The following VAMP7 variants were observed in gnomAD, a reference collection of about 807,000 sequenced individuals.
VAMP7 encodes vesicle-associated membrane protein 7.
Under a neutral mutation model 29.6 loss-of-function variants are expected in VAMP7, and 14 were observed. That is an observed-to-expected ratio of 0.47 (90% CI 0.31 to 0.74). The LOEUF is 0.74. VAMP7 is among the 30% of genes least tolerant of loss of function. The probability of loss-of-function intolerance (pLI) is 0.05; values close to 1 mark genes in which losing one functional copy is unlikely to be tolerated. For synonymous variants in VAMP7, 95 were observed against 88.1 expected, an observed-to-expected ratio of 1.08 and a Z score of -0.44; for missense variants, 223 against 262.4, an observed-to-expected ratio of 0.85 and a Z score of 1.04.
At chrX:155,909,065 G>A (rs1456016497) in intron 5 of VAMP7, among the ~76,000 whole-genome samples, 2 of 152,118 alleles carry the variant, frequency 1.3e-5, no homozygotes, top group African/African-American at 2.4e-5. Flanking sequence ...GGGCTCAAGC[G>A]ATCCACTTGC....
chrX:155,900,197 C>T (rs980621190), intron 4 of VAMP7, among the ~76,000 whole-genome samples: 1 of 151,704 alleles, frequency 6.6e-6, no homozygotes, highest in African/African-American at 2.4e-5. Flanking sequence ...ATTATATATC[C>T]CCCCCAATCT....
At chrX:155,887,435 G>A (rs1348256168) in intron 1 of VAMP7, among the ~76,000 whole-genome samples, 2 of 151,970 alleles carry the variant, frequency 1.3e-5, no homozygotes, top group East Asian at 1.9e-4. Flanking sequence ...AAGGAGGGTC[G>A]GTCAGCAGTG....
At chrX:155,892,909 C>T (rs1223389100) in intron 2 of VAMP7, among the ~76,000 whole-genome samples, 6 of 151,854 alleles carry the variant, frequency 4.0e-5, no homozygotes, top group African/African-American at 7.3e-5. Flanking sequence ...TGTGCCACCA[C>T]GCCTGGCTAA....
intron 2 of VAMP7, among the ~76,000 whole-genome samples, chrX:155,894,735 C>T (rs2065965878): frequency 6.6e-6 from 1 of 152,048 alleles, no homozygotes; most frequent in Non-Finnish European, 1.5e-5. Flanking sequence ...CCTGCCTCAG[C>T]CTCCCAAGTA....
At chrX:155,912,250 AAGT>A (rs1488219123) in intron 5 of VAMP7, among the ~76,000 whole-genome samples, 1 of 152,124 alleles carries the variant, frequency 6.6e-6, no homozygotes, top group African/African-American at 2.4e-5. Context: ...GAATATATAA[AAGT>A]AGAATATCCT....
At chrX:155,899,874 T>C (rs976566810) in intron 4 of VAMP7, among the ~76,000 whole-genome samples, 46 of 152,100 alleles carry the variant, frequency 3.0e-4, no homozygotes, top group Non-Finnish European at 4.9e-4. Context: ...GTGGATTAAA[T>C]AATATCCCGT....
chrX:155,898,014 G>A, intron 3 of VAMP7, 98 bp from the exon 4 acceptor site: 1 of 1,435,346 alleles, frequency 7.0e-7, no homozygotes, highest in South Asian at 1.4e-5. Flanking sequence ...GATAATCATT[G>A]CTCAGTAAAT....
At chrX:155,884,807 C>A in intron 1 of VAMP7, among the ~76,000 whole-genome samples, 1 of 152,326 alleles carries the variant, frequency 6.6e-6, no homozygotes, top group Non-Finnish European at 1.5e-5. Flanking sequence ...CTTGGCCTTT[C>A]CCCTTACTCA....
intron 1 of VAMP7, among the ~76,000 whole-genome samples, chrX:155,887,434 C>T (rs1304530627): frequency 7.2e-5 from 11 of 151,984 alleles, no homozygotes; most frequent in African/African-American, 2.4e-4. Flanking sequence ...GAAGGAGGGT[C>T]GGTCAGCAGT....
chrX:155,932,120 A>G (rs1443216441), intron 6 of VAMP7, among the ~76,000 whole-genome samples: 4 of 152,236 alleles, frequency 2.6e-5, no homozygotes, highest in Non-Finnish European at 2.9e-5. Context: ...GCCTTGCAGT[A>G]TAGTTTGAAG....
chrX:155,920,345 T>C (rs985928688), intron 6 of VAMP7, among the ~76,000 whole-genome samples: 5 of 152,190 alleles, frequency 3.3e-5, no homozygotes, highest in Admixed American at 6.5e-5. Flanking sequence ...CAATAAGCCT[T>C]AAAGGAGACA....
intron 5 of VAMP7, among the ~76,000 whole-genome samples, chrX:155,902,490 A>G (rs1217516047): frequency 6.7e-6 from 1 of 148,696 alleles, no homozygotes; most frequent in Non-Finnish European, 1.5e-5. Context: ...ATTCAGTATG[A>G]TATTGGCTGT....
chrX:155,914,701 A>G (rs1157112698), intron 5 of VAMP7, among the ~76,000 whole-genome samples: 3 of 152,142 alleles, frequency 2.0e-5, no homozygotes, highest in Non-Finnish European at 2.9e-5. Context: ...CTTGCATCCC[A>G]GTGATGAAGC....
At chrX:155,903,740 A>T (rs1480897403) in intron 5 of VAMP7, among the ~76,000 whole-genome samples, 5 of 152,142 alleles carry the variant, frequency 3.3e-5, no homozygotes, top group Admixed American at 2.6e-4. Context: ...AAATAGGAAC[A>T]CTTTTACACA....
chrX:155,932,526 T>G (rs972787041), intron 6 of VAMP7, among the ~76,000 whole-genome samples: 8 of 152,188 alleles, frequency 5.3e-5, no homozygotes, highest in African/African-American at 1.9e-4. Context: ...TATTGGTGTA[T>G]AAGAATGCTT....
intron 3 of VAMP7, among the ~76,000 whole-genome samples, chrX:155,896,592 G>A (rs2065990315): frequency 6.6e-6 from 1 of 152,114 alleles, no homozygotes; most frequent in South Asian, 2.1e-4. Flanking sequence ...TTATGGTTTC[G>A]TAGAGCTACA....
chrX:155,942,336 C>A lies in VAMP7; in HGVS notation c.*385C>A. 1 of 651,598 alleles carries A rather than the reference C, an allele frequency of 1.5e-6. No homozygotes were observed. The highest frequency in any genetic ancestry group is 2.6e-6 in the Non-Finnish European group (1 of 391,904). 40.4% of individuals were successfully genotyped at this position (651,598 alleles called of 1,614,324 possible). A position where few individuals can be genotyped will look rare whatever the true frequency, so the allele number is the denominator to read the frequency against. On this transcript the variant is annotated 3_prime_UTR_variant, in exon 8 of 8. Coordinates refer to ENST00000286448, the MANE Select transcript of VAMP7 (RefSeq NM_005638.6). ...TGTGCACACAAAAGTATTCAAGAGA[C>A]AGTATTGCTAACATCTCATCTTAAT...
At chrX:155,898,688 A>G (rs2066019688) in intron 4 of VAMP7, among the ~76,000 whole-genome samples, 1 of 152,092 alleles carries the variant, frequency 6.6e-6, no homozygotes, top group Admixed American at 6.6e-5. Context: ...ACATGTGAAT[A>G]TACCTGTGAA....
chrX:155,930,494 A>C (rs866602445), intron 6 of VAMP7, among the ~76,000 whole-genome samples: 6,168 of 150,176 alleles, frequency 0.041, 408 homozygotes, highest in African/African-American at 0.14. Flanking sequence ...CCAAACAAAA[A>C]AAAAAAAAAA....
Sources: allele counts gnomAD v4.1 joint callset (sites outside exome capture counted in the v4.1 genomes callset), GRCh38; gene constraint gnomAD v4.1.1; transcripts MANE v1.5; gene names NCBI Gene and HGNC (gene_info 2026-07-23, HGNC 2026-07-21).